LRRIQ1: variants seen among roughly 807,000 people sequenced by gnomAD.
The protein encoded by LRRIQ1 is leucine rich repeats and IQ motif containing 1, also known as leucine-rich repeat- and IQ domain-containing protein 1.
LRRIQ1 carries 210 observed loss-of-function variants against 211.9 expected under a neutral mutation model. The ratio of observed to expected loss-of-function variants is 0.99; its 90% CI spans 0.89 to 1.11. The LOEUF (loss-of-function observed/expected upper bound fraction) is 1.11, where lower values mean the gene tolerates loss of function less well. Ranked by LOEUF, LRRIQ1 falls within the 50% of genes most tolerant of loss-of-function variation. LRRIQ1 has a pLI of 0.00. For synonymous variants in LRRIQ1, 699 were observed against 650.1 expected, an observed-to-expected ratio of 1.08 and a Z score of -1.14; for missense variants, 2,136 against 1,939.5, an observed-to-expected ratio of 1.10 and a Z score of -1.90.
intron 18 of LRRIQ1, among the ~76,000 whole-genome samples, chr12:85,132,207 C>T (rs1290086504): frequency 6.6e-6 from 1 of 151,852 alleles, no homozygotes; most frequent in East Asian, 1.9e-4. Context: ...ACTAGGTCTG[C>T]ACTCAATCTT....
chr12:85,109,153 A>G (rs967738489), intron 15 of LRRIQ1, among the ~76,000 whole-genome samples: 1 of 152,168 alleles, frequency 6.6e-6, no homozygotes, highest in African/African-American at 2.4e-5. Context: ...TAAAATTCCC[A>G]TATCTGACTT....
intron 24 of LRRIQ1, among the ~76,000 whole-genome samples, chr12:85,183,205 G>C (rs1371772442): frequency 6.6e-6 from 1 of 152,084 alleles, no homozygotes; most frequent in East Asian, 1.9e-4. Flanking sequence ...TAGCACACTT[G>C]TATTTGATGC....
intron 26 of LRRIQ1, among the ~76,000 whole-genome samples, chr12:85,236,751 G>GAT (rs748781162): frequency 7.9e-4 from 113 of 142,846 alleles, no homozygotes; most frequent in African/African-American, 2.1e-3. Context: ...TATATATTTG[G>GAT]ATATATATAT....
Position 85,086,061 on chromosome 12 carries a change from A to G in LRRIQ1, c.2888-12294A>G, listed in dbSNP as rs568578092. Among the ~76,000 whole-genome samples the G allele has an allele frequency of 2.0e-5, 3 of 152,240 alleles. No homozygotes were observed. In the South Asian group the frequency reaches 6.2e-4, roughly 32 times the overall value. On this transcript the variant is annotated intron_variant, in intron 11 of 26. Coordinates refer to ENST00000393217, the MANE Select transcript of LRRIQ1 (RefSeq NM_001079910.2). Reference sequence around the variant, plus strand: ...TCACGTTTTCACCAATGGTGTATAAATGTTCCCTTTTCTCTGCAACCTCTC... The same window carrying G: ...TCACGTTTTCACCAATGGTGTATAAGTGTTCCCTTTTCTCTGCAACCTCTC...
At chr12:85,268,742 T>G (rs1896475458), downstream of LRRIQ1, among the ~76,000 whole-genome samples, 1 of 152,014 alleles carries the variant, frequency 6.6e-6, no homozygotes. Flanking sequence ...AAGAGAAGGA[T>G]ATCCACCACT....
At chr12:85,157,423 A>G (rs1890615747) in intron 23 of LRRIQ1, among the ~76,000 whole-genome samples, 2 of 151,724 alleles carry the variant, frequency 1.3e-5, no homozygotes, top group Admixed American at 6.6e-5. Flanking sequence ...ATTGCTTTTA[A>G]CCTCTTGATT....
At chr12:85,069,463 G>A (rs1274214699) in intron 10 of LRRIQ1, among the ~76,000 whole-genome samples, 1 of 151,992 alleles carries the variant, frequency 6.6e-6, no homozygotes, top group African/African-American at 2.4e-5. Context: ...CCTAGTAATG[G>A]GATGGCTGGG....
chr12:85,152,798 T>C (rs1382883591), intron 20 of LRRIQ1, among the ~76,000 whole-genome samples: 2 of 151,594 alleles, frequency 1.3e-5, no homozygotes, highest in East Asian at 3.9e-4. Flanking sequence ...TAAAGATCTT[T>C]GCAATTAATC....
intron 11 of LRRIQ1, among the ~76,000 whole-genome samples, chr12:85,091,797 T>C (rs1280393618): frequency 2.0e-5 from 3 of 152,162 alleles, no homozygotes; most frequent in African/African-American, 4.8e-5. Context: ...TGTTAAATAT[T>C]AGATAATTGT....
At chr12:85,263,757 T>C (rs1896361925) in exon 2 of LRRIQ1, 1 of 152,172 alleles carries the variant, frequency 6.6e-6, no homozygotes, top group East Asian at 1.9e-4. Context: ...TACTTTATCA[T>C]TTTAATTTTT....
intron 17 of LRRIQ1, among the ~76,000 whole-genome samples, chr12:85,127,424 C>T (rs1264115906): frequency 2.0e-5 from 3 of 152,040 alleles, no homozygotes; most frequent in South Asian, 4.1e-4. Flanking sequence ...CTCTTACATT[C>T]GAAGGTAATT....
intron 24 of LRRIQ1, among the ~76,000 whole-genome samples, chr12:85,194,936 A>G (rs532489808): frequency 5.9e-5 from 9 of 152,304 alleles, no homozygotes; most frequent in Admixed American, 1.3e-4. Flanking sequence ...CAAGACTAAT[A>G]AAGAAAAAAC....
chr12:85,270,128 A>G, the LRRIQ1 span, among the ~76,000 whole-genome samples: 1 of 152,242 alleles, frequency 6.6e-6, no homozygotes, highest in South Asian at 2.1e-4. Flanking sequence ...GAGTTTCACC[A>G]TAATGAATTT....
chr12:85,036,970 G>A (rs1168966217), intron 1 of LRRIQ1, among the ~76,000 whole-genome samples: 2 of 152,040 alleles, frequency 1.3e-5, no homozygotes, highest in African/African-American at 4.8e-5. Context: ...CTAACTGCAG[G>A]TGGCTACTGA....
chr12:85,192,944 A>T (rs1300888992), intron 24 of LRRIQ1, among the ~76,000 whole-genome samples: 2 of 92,082 alleles, frequency 2.2e-5, no homozygotes, highest in South Asian at 3.1e-4. Flanking sequence ...AATTATATAT[A>T]AATATATAAT....
chr12:85,229,178 A>C (rs1894811728), intron 24 of LRRIQ1, among the ~76,000 whole-genome samples: 1 of 152,208 alleles, frequency 6.6e-6, no homozygotes, highest in Non-Finnish European at 1.5e-5. Context: ...GAAAAGACAG[A>C]TAGGGAACAG....
At chr12:85,173,836 A>G (rs1452960289) in intron 24 of LRRIQ1, among the ~76,000 whole-genome samples, 1 of 152,126 alleles carries the variant, frequency 6.6e-6, no homozygotes, top group African/African-American at 2.4e-5. Flanking sequence ...TTGGGGGTAC[A>G]CAAATATTTA....
At chr12:85,062,185 C>T (rs575132694) in intron 8 of LRRIQ1, among the ~76,000 whole-genome samples, 5 of 151,736 alleles carry the variant, frequency 3.3e-5, no homozygotes, top group African/African-American at 1.2e-4. Flanking sequence ...AAGAATATTC[C>T]TATCAAGCTA....
intron 24 of LRRIQ1, among the ~76,000 whole-genome samples, chr12:85,198,194 C>A (rs1180934243): frequency 8.5e-6 from 1 of 117,442 alleles, no homozygotes; most frequent in South Asian, 2.4e-4. Flanking sequence ...TATATTTTTT[C>A]TTTATCTGGA....
Sources: gnomAD v4.1 joint callset for allele counts (sites outside exome capture counted in the v4.1 genomes callset) on GRCh38, gnomAD v4.1.1 for gene constraint, MANE v1.5 for transcripts, NCBI Gene and HGNC (gene_info 2026-07-23, HGNC 2026-07-21) for gene names.